BBS9: variants seen among roughly 807,000 people sequenced by gnomAD.
BBS9 encodes the protein Bardet-Biedl syndrome 9.
Under a neutral mutation model 117.7 loss-of-function variants are expected in BBS9, and 89 were observed. That is an observed-to-expected ratio of 0.76 (90% CI 0.64 to 0.90). The LOEUF is 0.90. BBS9 is among the 40% of genes least tolerant of loss of function. The probability of loss-of-function intolerance (pLI) is 0.00; values close to 1 mark genes in which losing one functional copy is unlikely to be tolerated. For missense variants in BBS9, 982 were observed against 1,042.2 expected (o/e 0.94, Z 0.80); for synonymous variants, 379 against 370.9 (o/e 1.02, Z -0.25).
At chr7:33,458,065 A>G (rs772974074) in intron 19 of BBS9, among the ~76,000 whole-genome samples, 2 of 152,182 alleles carry the variant, frequency 1.3e-5, no homozygotes, top group African/African-American at 2.4e-5. Flanking sequence ...TGGAGTCCTC[A>G]GGTGTGCTTT....
intron 4 of BBS9, among the ~76,000 whole-genome samples, chr7:33,168,826 G>A (rs7781187): frequency 0.5 from 75,670 of 151,472 alleles, 18,979 homozygotes; most frequent in East Asian, 0.67. Context: ...ATTTTTTATT[G>A]TACTTTAAGT....
chr7:33,228,212 G>A (rs1791664479), intron 5 of BBS9, among the ~76,000 whole-genome samples: 1 of 151,822 alleles, frequency 6.6e-6, no homozygotes, highest in South Asian at 2.1e-4. Context: ...GTTTTAATTT[G>A]CATTTCCCTG....
chr7:33,172,410 A>T (rs1379929622), intron 4 of BBS9, among the ~76,000 whole-genome samples: 1 of 151,954 alleles, frequency 6.6e-6, no homozygotes, highest in East Asian at 1.9e-4. Flanking sequence ...AAAAAAATGA[A>T]AAGAACACGA....
At chr7:33,261,328 G>A (rs1220061445) in intron 6 of BBS9, among the ~76,000 whole-genome samples, 1 of 152,160 alleles carries the variant, frequency 6.6e-6, no homozygotes, top group Non-Finnish European at 1.5e-5. Flanking sequence ...CAGGAATTCT[G>A]TATCCCCTGA....
rs565602038 is a variant in BBS9, at chr7:33,624,003, A to G, written c.2522-11174A>G. Reference sequence around the variant, plus strand: ...CTATTATTAAAAAAAAAAAAATCATATAAGTCTTACTCTTTTGACTGTTTA... The same window carrying G: ...CTATTATTAAAAAAAAAAAAATCATGTAAGTCTTACTCTTTTGACTGTTTA... On this transcript the variant is annotated intron_variant, in intron 21 of 21. Coordinates refer to the BBS9 transcript ENST00000671952. Among the ~76,000 whole-genome samples, 426 of 151,488 alleles carry G rather than the reference A, an allele frequency of 2.8e-3. 1 individual carries two copies. The highest frequency in any genetic ancestry group is 0.021 in the Middle Eastern group (6 of 292).
At chr7:33,339,251 T>C (rs1347171306) in intron 10 of BBS9, among the ~76,000 whole-genome samples, 2 of 152,174 alleles carry the variant, frequency 1.3e-5, no homozygotes, top group Non-Finnish European at 2.9e-5. Context: ...CATCTGCTGC[T>C]GAGTCAGCCC....
chr7:33,416,911 C>T (rs944447676), intron 19 of BBS9, among the ~76,000 whole-genome samples: 33 of 152,098 alleles, frequency 2.2e-4, no homozygotes, highest in Admixed American at 1.8e-3. Flanking sequence ...CCTTGATGCT[C>T]CTAGGTTTCT....
At chr7:33,145,675 C>T (rs575556119) in intron 1 of BBS9, among the ~76,000 whole-genome samples, 1 of 152,072 alleles carries the variant, frequency 6.6e-6, no homozygotes, top group Non-Finnish European at 1.5e-5. Flanking sequence ...CCTCCGTGTC[C>T]CCGGGTTTCA....
At chr7:33,602,161 A>G (rs1167623286) in intron 21 of BBS9, among the ~76,000 whole-genome samples, 3 of 152,128 alleles carry the variant, frequency 2.0e-5, no homozygotes, top group East Asian at 3.9e-4. Flanking sequence ...TGCACCTGGG[A>G]GTGCCTCTTT....
intron 1 of BBS9, among the ~76,000 whole-genome samples, chr7:33,131,086 T>C (rs1027529170): frequency 2.6e-5 from 4 of 152,252 alleles, no homozygotes; most frequent in Non-Finnish European, 4.4e-5. Context: ...ACATTTCCAT[T>C]AGTGATTACT....
chr7:33,468,218 G>T (rs540792932), intron 19 of BBS9, among the ~76,000 whole-genome samples: 1 of 152,098 alleles, frequency 6.6e-6, no homozygotes, highest in Non-Finnish European at 1.5e-5. Context: ...AATGAAGGCC[G>T]TGTGGACACA....
At chr7:33,528,557 T>C (rs1585139070) in intron 20 of BBS9, among the ~76,000 whole-genome samples, 1 of 152,216 alleles carries the variant, frequency 6.6e-6, no homozygotes, top group East Asian at 1.9e-4. Flanking sequence ...AATTACATAC[T>C]TCTATTTTCT....
chr7:33,545,104 G>T (rs1853085071), intron 21 of BBS9, among the ~76,000 whole-genome samples: 1 of 152,098 alleles, frequency 6.6e-6, no homozygotes, highest in South Asian at 2.1e-4. Context: ...TTGAAAATTT[G>T]CCTGAGACTA....
At chr7:33,597,628 G>A (rs1410733495) in intron 21 of BBS9, among the ~76,000 whole-genome samples, 1 of 151,944 alleles carries the variant, frequency 6.6e-6, no homozygotes, top group Non-Finnish European at 1.5e-5. Flanking sequence ...TGAAAGGAAG[G>A]ACTAGTTAGG....
Position 33,193,677 on chromosome 7 carries a change from A to G in BBS9, c.442+16086A>G, listed in dbSNP as rs115438182. Among the ~76,000 whole-genome samples the G allele has an allele frequency of 2.7e-3, 417 of 152,234 alleles. 1 individual carries two copies. The highest frequency in any genetic ancestry group is 9.7e-3 in the African/African-American group (404 of 41,544). Reference sequence around the variant, plus strand: ...CCTATCTAGGGGCAGTGGAGAAGACATGGGGAGGAAGAAGGGTTGTCTGTA... The same window carrying G: ...CCTATCTAGGGGCAGTGGAGAAGACGTGGGGAGGAAGAAGGGTTGTCTGTA... On this transcript the variant is annotated intron_variant, in intron 5 of 22. Coordinates refer to ENST00000242067, the MANE Select transcript of BBS9 (RefSeq NM_198428.3).
At chr7:33,392,039 C>A (rs1294915084) in intron 19 of BBS9, among the ~76,000 whole-genome samples, 1 of 152,028 alleles carries the variant, frequency 6.6e-6, no homozygotes, top group Non-Finnish European at 1.5e-5. Context: ...GTACTTTTTT[C>A]ACTCCATCTG....
chr7:33,230,704 A>G (rs1259672425), intron 5 of BBS9, among the ~76,000 whole-genome samples: 1 of 152,150 alleles, frequency 6.6e-6, no homozygotes, highest in Admixed American at 6.6e-5. Flanking sequence ...TTACTTCACT[A>G]AGGATAATGG....
At chr7:33,355,385 A>T (rs1732969360) in intron 15 of BBS9, among the ~76,000 whole-genome samples, 1 of 151,942 alleles carries the variant, frequency 6.6e-6, no homozygotes. Flanking sequence ...TTGGATTTTA[A>T]TTTGATAGTG....
intron 9 of BBS9, among the ~76,000 whole-genome samples, chr7:33,330,053 G>A (rs993883007): frequency 2.3e-4 from 34 of 151,048 alleles, no homozygotes; most frequent in Non-Finnish European, 3.4e-4. Context: ...TCGCTCTGTC[G>A]CCTGGGCTGG....
Sources: allele counts gnomAD v4.1 joint callset (sites outside exome capture counted in the v4.1 genomes callset), GRCh38; gene constraint gnomAD v4.1.1; transcripts MANE v1.5; gene names NCBI Gene and HGNC (gene_info 2026-07-23, HGNC 2026-07-21).